WWOX: variants seen among roughly 807,000 people sequenced by gnomAD.
WWOX encodes the protein WW domain-containing oxidoreductase.
WWOX carries 69 observed loss-of-function variants against 46.2 expected under a neutral mutation model. The observed-to-expected ratio is 1.49, with a 90% CI of 1.23 to 1.82. The LOEUF is 1.82. Among genes scored for constraint, WWOX ranks in the 40% most tolerant of loss-of-function variants. The probability of loss-of-function intolerance (pLI) is 0.00; values close to 1 mark genes in which losing one functional copy is unlikely to be tolerated. For synonymous variants in WWOX, 359 were observed against 202.6 expected (o/e 1.77, Z -6.56); for missense variants, 919 against 542.6 (o/e 1.69, Z -6.89).
chr16:78,199,524 C>G lies in WWOX; in HGVS notation c.516+35235C>G, dbSNP rs73568343. 8.8e-3 allele frequency among the ~76,000 whole-genome samples: 1,334 copies of G among 152,270 alleles called. 22 individuals are homozygous for G. Among genetic ancestry groups the G allele is most frequent in the African/African-American group, 0.031 (1,276 of 41,550 alleles). On this transcript the variant is annotated intron_variant, in intron 5 of 8. Coordinates refer to ENST00000566780, the MANE Select transcript of WWOX (RefSeq NM_016373.4). ...CCGGCATCATGACCTTTGTACTACC[C>G]AGGAAAGCCAGTGTTCTCATGGGCT...
At chr16:79,074,668 A>G (rs1043166466) in intron 8 of WWOX, among the ~76,000 whole-genome samples, 1 of 151,902 alleles carries the variant, frequency 6.6e-6, no homozygotes, top group Non-Finnish European at 1.5e-5. Context: ...TTTGTAAAGA[A>G]TCTGAGATAT....
At chr16:78,421,303 T>TC (rs1298798507) in intron 6 of WWOX, among the ~76,000 whole-genome samples, 2 of 152,162 alleles carry the variant, frequency 1.3e-5, no homozygotes, top group African/African-American at 4.8e-5. Context: ...CATGCCTTTC[T>TC]CCTAGCTTCC....
chr16:78,698,088 A>C (rs991114948), intron 8 of WWOX, among the ~76,000 whole-genome samples: 1 of 152,206 alleles, frequency 6.6e-6, no homozygotes, highest in Non-Finnish European at 1.5e-5. Context: ...TATTGTTGTC[A>C]TCATGTATAT....
In WWOX at chr16:78,879,502, CA is replaced by C. The variant is rs61148764; in HGVS notation, c.1057-332091del. On this transcript the variant is annotated intron_variant, in intron 8 of 8. Coordinates refer to ENST00000566780, the MANE Select transcript of WWOX (RefSeq NM_016373.4). ...CCACCCTGGTCTTCAAGTCCACTCTCAAAAAAAAAAAAAAATTTGGCCTTTG... is the reference window on the plus strand; with the variant it reads ...CCACCCTGGTCTTCAAGTCCACTCTCAAAAAAAAAAAAAATTTGGCCTTTG... Among the ~76,000 whole-genome samples the C allele has an allele frequency of 7.9e-3, 1,103 of 140,464 alleles. 9 individuals carry two copies. The highest frequency in any genetic ancestry group is 0.019 in the African/African-American group (724 of 38,422). 92.1% of individuals were successfully genotyped at this position (140,464 alleles called of 152,430 possible).
intron 8 of WWOX, among the ~76,000 whole-genome samples, chr16:79,042,728 G>GTTTTTTTTTT (rs11379084): frequency 2.1e-5 from 3 of 143,126 alleles, no homozygotes; most frequent in Non-Finnish European, 1.5e-5. Flanking sequence ...AATACTCAGG[G>GTTTTTTTTTT]TTTTTTTTTT....
At chr16:78,343,312 G>C (rs1202836043) in intron 5 of WWOX, among the ~76,000 whole-genome samples, 1 of 120,400 alleles carries the variant, frequency 8.3e-6, no homozygotes, top group African/African-American at 2.8e-5. Context: ...ATAACCCACC[G>C]CCACGTTCCT....
Position 78,425,680 on chromosome 16 carries a change from A to G in WWOX, c.791+625A>G, listed in dbSNP as rs145059474. Reference sequence around the variant, plus strand: ...TCGTATTTTCAGCATATTTGTTTCTAGAGTTGGAGAAACAACTATTTGTCT... The same window carrying G: ...TCGTATTTTCAGCATATTTGTTTCTGGAGTTGGAGAAACAACTATTTGTCT... On this transcript the variant is annotated intron_variant, in intron 7 of 8. Transcript: ENST00000566780. 2.4e-3 allele frequency among the ~76,000 whole-genome samples: 359 copies of G among 152,322 alleles called. 2 individuals are homozygous for G. The highest frequency in any genetic ancestry group is 8.2e-3 in the African/African-American group (340 of 41,574).
At chr16:78,534,648 C>G (rs1322344714) in intron 8 of WWOX, 2 of 152,166 alleles carry the variant, frequency 1.3e-5, no homozygotes, top group Non-Finnish European at 2.9e-5. Flanking sequence ...TAAATAATGA[C>G]TTTCTTAAAA....
At chr16:78,531,497 C>G (rs755562092) in intron 8 of WWOX, among the ~76,000 whole-genome samples, 4 of 152,064 alleles carry the variant, frequency 2.6e-5, no homozygotes, top group Non-Finnish European at 5.9e-5. Context: ...TATTTTGCTA[C>G]CAGTTCTTTT....
intron 8 of WWOX, among the ~76,000 whole-genome samples, chr16:78,973,426 A>G (rs549541276): frequency 1.3e-5 from 2 of 152,236 alleles, no homozygotes; most frequent in Non-Finnish European, 2.9e-5. Flanking sequence ...GAGCTACTCA[A>G]TAATTAGCCA....
chr16:78,861,275 G>A lies in WWOX; in HGVS notation c.1057-350333G>A, dbSNP rs566648706. On this transcript the variant is annotated intron_variant, in intron 8 of 8. Transcript: ENST00000566780. ...CCTCTGCCTGACTTCAAGCTGGGAC[G>A]TAAGTCTTCTCCCAGTCCATGCATC... Among the ~76,000 whole-genome samples, 20 of 152,250 alleles carry A rather than the reference G, an allele frequency of 1.3e-4. No individual in the cohort carries two copies. In the East Asian group the frequency reaches 1.5e-3, roughly 12 times the overall value.
intron 8 of WWOX, among the ~76,000 whole-genome samples, chr16:79,158,954 T>C (rs532405400): frequency 1.1e-4 from 16 of 152,328 alleles, no homozygotes; most frequent in Non-Finnish European, 1.8e-4. Context: ...ATTTATTGAA[T>C]AGATGAAAGA....
chr16:79,157,363 C>T (rs942061184), intron 8 of WWOX, among the ~76,000 whole-genome samples: 3 of 150,946 alleles, frequency 2.0e-5, no homozygotes, highest in Non-Finnish European at 2.9e-5. Flanking sequence ...AGTTAGAAAA[C>T]AGTGAGCCTT....
At chr16:78,987,074 T>G (rs147772761) in intron 8 of WWOX, among the ~76,000 whole-genome samples, 2 of 152,218 alleles carry the variant, frequency 1.3e-5, no homozygotes, top group Non-Finnish European at 2.9e-5. Context: ...CATGGTTATT[T>G]AAGTACAGCT....
chr16:79,063,953 T>C (rs1365471836), intron 8 of WWOX, among the ~76,000 whole-genome samples: 1 of 152,166 alleles, frequency 6.6e-6, no homozygotes, highest in Non-Finnish European at 1.5e-5. Flanking sequence ...GAATGTTGCA[T>C]GAATTAGAAC....
intron 8 of WWOX, among the ~76,000 whole-genome samples, chr16:79,054,221 A>G (rs541366774): frequency 1.3e-5 from 2 of 152,228 alleles, no homozygotes; most frequent in Non-Finnish European, 1.5e-5. Context: ...GCAACGGGGA[A>G]TCTTTCAGAG....
At chr16:78,271,791 C>G (rs1037272108) in intron 5 of WWOX, among the ~76,000 whole-genome samples, 2 of 152,182 alleles carry the variant, frequency 1.3e-5, no homozygotes, top group African/African-American at 4.8e-5. Flanking sequence ...CATCGTCCAG[C>G]CTTCTCTACC....
At chr16:78,518,368 A>G (rs2043282345) in intron 8 of WWOX, among the ~76,000 whole-genome samples, 1 of 151,988 alleles carries the variant, frequency 6.6e-6, no homozygotes, top group African/African-American at 2.4e-5. Context: ...AGTAGCTGGG[A>G]CTATAGGCAC....
chr16:78,494,012 G>A (rs2084849675), intron 8 of WWOX, among the ~76,000 whole-genome samples: 1 of 152,160 alleles, frequency 6.6e-6, no homozygotes, highest in African/African-American at 2.4e-5. Flanking sequence ...AAAGAAGGGA[G>A]GTTTAGTTGG....
Sources: gnomAD v4.1 joint callset for allele counts (sites outside exome capture counted in the v4.1 genomes callset) on GRCh38, gnomAD v4.1.1 for gene constraint, MANE v1.5 for transcripts, NCBI Gene and HGNC (gene_info 2026-07-23, HGNC 2026-07-21) for gene names.